The following HEXB variants were observed in gnomAD, a reference collection of about 807,000 sequenced individuals.
The protein encoded by HEXB is beta-hexosaminidase subunit beta.
HEXB carries 51 observed loss-of-function variants against 71.2 expected under a neutral mutation model. The ratio of observed to expected loss-of-function variants is 0.72; its 90% CI spans 0.57 to 0.90. HEXB has a LOEUF of 0.90. HEXB is among the 40% of genes least tolerant of loss of function. HEXB has a pLI of 0.00. For missense variants in HEXB, 617 were observed against 677.0 expected, an observed-to-expected ratio of 0.91 and a Z score of 0.98; for synonymous variants, 266 against 249.3, an observed-to-expected ratio of 1.07 and a Z score of -0.63.
chr5:74,720,953 C>T (rs1749828753), intron 13 of HEXB, 165 bp from the exon 14 acceptor site: 1 of 778,828 alleles, frequency 1.3e-6, no homozygotes, highest in Non-Finnish European at 2.2e-6. Context: ...TAACTTAGAA[C>T]TCCATCTTGA....
chr5:74,680,748 G>T (rs541024620), upstream of HEXB, among the ~76,000 whole-genome samples: 1 of 152,226 alleles, frequency 6.6e-6, no homozygotes, highest in African/African-American at 2.4e-5. Context: ...AGCACACAGT[G>T]CACCCAGGTG....
At chr5:74,661,876 G>A (rs1374479006) in intron 1 of HEXB, among the ~76,000 whole-genome samples, 1 of 152,152 alleles carries the variant, frequency 6.6e-6, no homozygotes, top group Admixed American at 6.5e-5. Context: ...TTTGAATTAA[G>A]CAGGAGTCTT....
chr5:74,712,800 G>T (rs1375149656), intron 6 of HEXB, among the ~76,000 whole-genome samples: 1 of 152,052 alleles, frequency 6.6e-6, no homozygotes, highest in Non-Finnish European at 1.5e-5. Context: ...CTGCTTTTCC[G>T]CAACTGAGCA....
intron 1 of HEXB, among the ~76,000 whole-genome samples, chr5:74,649,182 A>G (rs1748058183): frequency 6.6e-6 from 1 of 152,142 alleles, no homozygotes; most frequent in Admixed American, 6.5e-5. Flanking sequence ...GGCCTGCAAC[A>G]ATGCCGTGAG....
rs145630884 is a variant in HEXB, at chr5:74,691,817, C to G, written c.446-1822C>G. Among the ~76,000 whole-genome samples, 157 of 152,214 alleles carry G rather than the reference C, an allele frequency of 1.0e-3. 1 individual carries two copies. Among genetic ancestry groups the G allele is most frequent in the Admixed American group, 9.5e-3 (146 of 15,288 alleles). On this transcript the variant is annotated intron_variant, in intron 2 of 13. Transcript: ENST00000261416. ...TCATTTGTATATTCACCCTCCAAAA[C>G]AAATGTATTTATGGTGCAAAAAGAT...
rs770560389 is a variant in HEXB, at chr5:74,720,706, C to T, written c.1572C>T (p.Asp524=). 4.3e-5 allele frequency: 70 copies of T among 1,613,994 alleles called. No individual in the cohort carries two copies. The highest frequency in any genetic ancestry group is 1.6e-4 in the Middle Eastern group (1 of 6,084). ...CCAAAGATGTCAGAGATATGGATGA[C>T]GCCTATGACAGACTGACAAGGCACC... ...WSSKDVRDMD[D]AYDRLTRHRC... The change falls in exon 13 of 14, where the codon GAC becomes GAT. Residue 524 remains aspartate (D), a synonymous_variant. Coordinates refer to ENST00000261416, the MANE Select transcript of HEXB (RefSeq NM_000521.4).
chr5:74,683,230 GAC>G (rs1748771537), upstream of HEXB, among the ~76,000 whole-genome samples: 1 of 152,086 alleles, frequency 6.6e-6, no homozygotes. Context: ...CCTACAGAAA[GAC>G]ACGGCAAGAT....
At chr5:74,669,420 A>G (rs926860133) in intron 1 of HEXB, among the ~76,000 whole-genome samples, 2 of 152,184 alleles carry the variant, frequency 1.3e-5, no homozygotes, top group African/African-American at 4.8e-5. Flanking sequence ...TAAGTAACTT[A>G]CCTTATCAAT....
intron 1 of HEXB, among the ~76,000 whole-genome samples, chr5:74,654,245 A>T (rs1397845816): frequency 6.6e-6 from 1 of 152,152 alleles, no homozygotes; most frequent in East Asian, 1.9e-4. Context: ...TTTAATGTGC[A>T]CACGAATCAC....
At chr5:74,686,135 C>G (rs2112124251) in intron 1 of HEXB, among the ~76,000 whole-genome samples, 1 of 152,270 alleles carries the variant, frequency 6.6e-6, no homozygotes, top group African/African-American at 2.4e-5. Context: ...TTTCTGCGGT[C>G]AGTGGTTAGG....
intron 3 of HEXB, 147 bp downstream of exon 3, chr5:74,693,851 C>CAT: frequency 2.8e-6 from 2 of 716,064 alleles, no homozygotes; most frequent in Non-Finnish European, 5.1e-6. Context: ...TTCCATTGAA[C>CAT]ATGTACTACA....
intron 6 of HEXB, among the ~76,000 whole-genome samples, chr5:74,709,134 G>A (rs1434388312): frequency 2.0e-5 from 3 of 152,228 alleles, no homozygotes; most frequent in East Asian, 1.9e-4. Flanking sequence ...CAGGATTAAG[G>A]AACTCACTCA....
chr5:74,683,206 C>T (rs141788975), upstream of HEXB, among the ~76,000 whole-genome samples: 24 of 152,262 alleles, frequency 1.6e-4, no homozygotes, highest in East Asian at 4.6e-3. Context: ...CAGAGAACCT[C>T]TTTATGGCTG....
Position 74,720,759 on chromosome 5 carries a change from A to C in HEXB, c.1613+12A>C. ...TGCAGGATGGTCGAGTAAGAAATCT[A>C]TTAAGTCCAGTGTGATTTTTAACCT... On this transcript the variant is annotated intron_variant, in intron 13 of 13. Coordinates refer to ENST00000261416, the MANE Select transcript of HEXB (RefSeq NM_000521.4). 1 of 1,594,654 alleles carries C rather than the reference A, an allele frequency of 6.3e-7. No homozygotes were observed. The highest frequency in any genetic ancestry group is 2.2e-5 in the East Asian group (1 of 44,782).
rs35044539 is a variant in HEXB at position 74,688,336 on chromosome 5, C to CTTT, written c.300-981_300-979dup. Among the ~76,000 whole-genome samples, 129 of 121,906 alleles carry CTTT rather than the reference C, an allele frequency of 1.1e-3. 10 individuals carry two copies. Among genetic ancestry groups the CTTT allele is most frequent in the African/African-American group, 3.7e-3 (119 of 32,022 alleles). The allele number at this position is 121,906 out of a possible 152,430, so 80.0% of individuals were successfully genotyped here. A position where few individuals can be genotyped will look rare whatever the true frequency, so the allele number is the denominator to read the frequency against. On this transcript the variant is annotated intron_variant, in intron 1 of 13. Transcript: ENST00000261416. Reference sequence around the variant, plus strand: ...GATTTTTGGATACCAACAAAAGGTACTTTTTTTTTTTTTGAGATGGAGTCT... The same window carrying CTTT: ...GATTTTTGGATACCAACAAAAGGTACTTTTTTTTTTTTTTTTGAGATGGAGTCT...
rs1216510747 is a variant in HEXB at position 74,652,320 on chromosome 5, C to T, written c.-377+11762C>T. Among the ~76,000 whole-genome samples the T allele has an allele frequency of 5.3e-5, 8 of 152,148 alleles. No homozygotes were observed. Among genetic ancestry groups the T allele is most frequent in the Non-Finnish European group, 1.2e-4 (8 of 68,034 alleles). ...GTTATTAAATGGCAGAATCCAGACC[C>T]CTCGCTTTCTTTTTCAGAGCTGTGC... On this transcript the variant is annotated intron_variant, in intron 1 of 13. Transcript: ENST00000511181. The surrounding 1 kb of genome is among the most constrained non-coding windows in gnomAD (Gnocchi z 5.4).
intron 2 of HEXB, among the ~76,000 whole-genome samples, chr5:74,692,203 A>G (rs955152963): frequency 1.7e-4 from 26 of 152,186 alleles, no homozygotes; most frequent in African/African-American, 6.3e-4. Context: ...TAGCTGATTA[A>G]GAATTTGATA....
At position 74,664,430 on chromosome 5, in the gene HEXB, T is replaced by TAAAAAAAAA. The variant is rs397998152; in HGVS notation, c.-377+23887_-377+23895dup. On this transcript the variant is annotated intron_variant, in intron 1 of 13. Transcript: ENST00000511181. The stretch of plus-strand genomic sequence containing the variant: ...GGGCAATAGAGCAAGATTCTATCTC[T>TAAAAAAAAA]AAAAAAAAAAAAAAAAAAAAAAACA... 6.3e-5 allele frequency among the ~76,000 whole-genome samples: 5 copies of TAAAAAAAAA among 79,666 alleles called. No homozygotes were observed. In the South Asian group the frequency reaches 1.4e-3, roughly 22 times the overall value. The allele number at this position is 79,666 out of a possible 152,430, so 52.3% of individuals were successfully genotyped here.
At chr5:74,670,514 T>C (rs1230890491) in intron 1 of HEXB, among the ~76,000 whole-genome samples, 1 of 152,178 alleles carries the variant, frequency 6.6e-6, no homozygotes, top group Admixed American at 6.5e-5. Context: ...TGTACTACTG[T>C]GGCCCTCTGC....
Sources: allele counts gnomAD v4.1 joint callset (sites outside exome capture counted in the v4.1 genomes callset), GRCh38; gene constraint gnomAD v4.1.1; non-coding constraint Gnocchi (gnomAD v3.1); transcripts MANE v1.5; gene names NCBI Gene and HGNC (gene_info 2026-07-23, HGNC 2026-07-21).